Variants in ICAM5 observed in about 807,000 individuals in gnomAD.
ICAM5 encodes the protein ICAM-5.
A neutral mutation model predicts 78.8 loss-of-function variants in ICAM5; 38 were observed. The ratio of observed to expected loss-of-function variants is 0.48; its 90% CI spans 0.37 to 0.63. The LOEUF is 0.63. Among genes scored for constraint, ICAM5 ranks in the 30% least tolerant of loss-of-function variants. The pLI is 0.00. For synonymous variants in ICAM5, 544 were observed against 590.9 expected (o/e 0.92, Z 1.15); for missense variants, 1,059 against 1,303.0 (o/e 0.81, Z 2.88).
At position 10,294,667 on chromosome 19, in the gene ICAM5, G is replaced by A; in HGVS notation, c.2230+27G>A. 2.5e-6 allele frequency: 4 copies of A among 1,611,924 alleles called. No homozygotes were observed. The highest frequency in any genetic ancestry group is 3.4e-6 in the Non-Finnish European group (4 of 1,179,646). ...TGAGTGGGGGCAGCACCGGATGGAGGGGACACGGTCCTCGGAAGAATGACT... is the reference window on the plus strand; with the variant it reads ...TGAGTGGGGGCAGCACCGGATGGAGAGGACACGGTCCTCGGAAGAATGACT... On this transcript the variant is annotated intron_variant, in intron 9 of 10. Coordinates refer to ENST00000221980, the MANE Select transcript of ICAM5 (RefSeq NM_003259.4). This position sits in a 1 kb window ranked among gnomAD's most constrained non-coding sequence, Gnocchi z 7.7.
At position 10,293,343 on chromosome 19, in the gene ICAM5, T is replaced by C; in HGVS notation, c.1465+97T>C. On this transcript the variant is annotated intron_variant, in intron 6 of 10. Transcript: ENST00000221980. The surrounding 1 kb of genome is among the most constrained non-coding windows in gnomAD (Gnocchi z 5.0). The stretch of plus-strand genomic sequence containing the variant: ...GTAGGAGTAGGGTATGAGGTGTCCC[T>C]TTGGGTGAGGTTTTGGGAAAGGGAA... 1 of 1,455,834 alleles carries C rather than the reference T, an allele frequency of 6.9e-7. No homozygotes were observed. The highest frequency in any genetic ancestry group is 9.2e-7 in the Non-Finnish European group (1 of 1,084,602). 90.2% of individuals were successfully genotyped at this position (1,455,834 alleles called of 1,614,324 possible).
Position 10,290,408 on chromosome 19 carries a change from T to G in ICAM5, c.82+283T>G. On this transcript the variant is annotated intron_variant, in intron 1 of 10. Transcript: ENST00000221980. This position sits in a 1 kb window ranked among gnomAD's most constrained non-coding sequence, Gnocchi z 5.7. Reference sequence around the variant, plus strand: ...GTGTCTCTCCTGTCCGCTCCCCGGGTACCTCCTTACGCTGTGCTGTGCACC... The same window carrying G: ...GTGTCTCTCCTGTCCGCTCCCCGGGGACCTCCTTACGCTGTGCTGTGCACC... The G allele has an allele frequency of 6.9e-5, 27 of 393,112 alleles. No homozygotes were observed. The highest frequency in any genetic ancestry group is 7.3e-5 in the Non-Finnish European group (16 of 218,024). 24.4% of individuals were successfully genotyped at this position (393,112 alleles called of 1,614,324 possible).
intron 3 of ICAM5, 100 bp from the exon 4 acceptor site, chr19:10,291,935 C>G (rs78617778): frequency 1.3e-6 from 2 of 1,481,510 alleles, no homozygotes; most frequent in Non-Finnish European, 1.9e-6. Context: ...TTTCCCCCTC[C>G]GTGCCTTGAG....
rs1033589768 is a variant in ICAM5 at position 10,292,410 on chromosome 19, C to A, written c.961+88C>A. On this transcript the variant is annotated intron_variant, in intron 4 of 10. Transcript: ENST00000221980. ...CGAAGAGTGGGCGGGACCTCAGTAC[C>A]GGAACAGGCGTGGCCCGAGGGGCGG... 88 of 1,440,220 alleles carry A rather than the reference C, an allele frequency of 6.1e-5. No individual in the cohort carries two copies. In the Middle Eastern group the frequency reaches 1.5e-3, roughly 24 times the overall value. 89.2% of individuals were successfully genotyped at this position (1,440,220 alleles called of 1,614,324 possible). A position where few individuals can be genotyped will look rare whatever the true frequency, so the allele number is the denominator to read the frequency against.
At position 10,294,167 on chromosome 19, in the gene ICAM5, C is replaced by A; in HGVS notation, c.1839C>A (p.Gly613=). 6.2e-7 allele frequency: 1 copy of A among 1,612,548 alleles called. No individual in the cohort carries two copies. The highest frequency in any genetic ancestry group is 8.5e-7 in the Non-Finnish European group (1 of 1,179,630). The change falls in exon 8 of 11, where the codon GGC becomes GGA. Residue 613 remains glycine, a synonymous_variant. Transcript: ENST00000221980. This position sits in a 1 kb window ranked among gnomAD's most constrained non-coding sequence, Gnocchi z 7.7. The part of the protein sequence containing the change: ...QPSVKCVGSG[G]ATEGVLLPLA... ...GCGTGAAGTGCGTGGGCTCCGGGGG[C>A]GCCACTGAGGGGGTGCTGCTGCCGC...
rs1310831170 is a variant in ICAM5 at position 10,294,542 on chromosome 19, A to G, written c.2132A>G (p.Glu711Gly). 1.2e-6 allele frequency: 2 copies of G among 1,606,284 alleles called. No homozygotes were observed. Among genetic ancestry groups the G allele is most frequent in the African/African-American group, 2.7e-5 (2 of 74,752 alleles). The change falls in exon 9 of 11, where the codon GAG becomes GGG. Residue 711 changes from glutamate to glycine, a missense_variant. Physicochemically the swap from Glu to Gly is moderately conservative, Grantham distance 98. Transcript: ENST00000221980. This position sits in a 1 kb window ranked among gnomAD's most constrained non-coding sequence, Gnocchi z 7.7. ...TCTCGGGAAGGCATCCCATGGCCTG[A>G]GCAGCAGCGCGTGTCCCGAGAGGAC... ...RCSREGIPWP[E>G]QQRVSREDAG...
intron 10 of ICAM5, 71 bp downstream of exon 10, chr19:10,295,683 G>A (rs983128900): frequency 2.1e-6 from 3 of 1,444,674 alleles, no homozygotes; most frequent in Non-Finnish European, 2.8e-6. Context: ...TGGGGCGGCC[G>A]GCCCCGCCTG....
chr19:10,294,558 C>T lies in ICAM5; in HGVS notation c.2148C>T (p.Ser716=). ...CATGGCCTGAGCAGCAGCGCGTGTC[C>T]CGAGAGGACGCGGGCACTTACCACT... ...GIPWPEQQRV[S]REDAGTYHCV... is the part of the protein sequence containing the mutation. Residue 716 remains serine (S), a synonymous_variant, in exon 9 of 11, where the codon TCC becomes TCT. Transcript: ENST00000221980. The surrounding 1 kb of genome is among the most constrained non-coding windows in gnomAD (Gnocchi z 7.7). 5 of 1,612,656 alleles carry T rather than the reference C, an allele frequency of 3.1e-6. No individual in the cohort carries two copies. The highest frequency in any genetic ancestry group is 4.2e-6 in the Non-Finnish European group (5 of 1,179,612).
chr19:10,295,294 G>T, intron 9 of ICAM5, 52 bp from the exon 10 acceptor site: 8 of 1,466,228 alleles, frequency 5.5e-6, no homozygotes, highest in South Asian at 2.8e-5. Flanking sequence ...CAGGGCATTT[G>T]ATCAGTGGCT....
intron 5 of ICAM5, 54 bp downstream of exon 5, chr19:10,292,920 G>A: frequency 6.2e-7 from 1 of 1,606,570 alleles, no homozygotes. Flanking sequence ...CCAAGGACCC[G>A]CCTGCTCCCT....
Position 10,292,119 on chromosome 19 carries a change from G to T in ICAM5, c.758G>T (p.Gly253Val), listed in dbSNP as rs755022271. The change falls in exon 4 of 11, where the codon GGA becomes GTA. Residue 253 changes from glycine to valine, a missense_variant. Transcript: ENST00000221980. ...AGGCCCGTGAGCTGCACTCTGGACG[G>T]ACTGTTTCCAGCCTCAGAGGCCAGG... ...SERPVSCTLD[G>V]LFPASEARVY... 2 of 1,613,414 alleles carry T rather than the reference G, an allele frequency of 1.2e-6. No homozygotes were observed. Among genetic ancestry groups the T allele is most frequent in the Non-Finnish European group, 1.7e-6 (2 of 1,180,028 alleles).
In ICAM5 at chr19:10,296,482, G is replaced by C. The variant is rs1274508293; in HGVS notation, c.2641G>C (p.Ala881Pro). Reference sequence around the variant, plus strand: ...GCAGGAGGCCGAGAGCTCAGGCGAGGCCGTGTGTCTGAACGGAGCGGGCGG... The same window carrying C: ...GCAGGAGGCCGAGAGCTCAGGCGAGCCCGTGTGTCTGAACGGAGCGGGCGG... ...NVQEAESSGE[A>P]VCLNGAGGGA... Residue 881 changes from alanine to proline, a missense_variant, in exon 11 of 11, where the codon GCC becomes CCC. By Grantham distance (27) the Ala-to-Pro change is conservative. Coordinates refer to ENST00000221980, the MANE Select transcript of ICAM5 (RefSeq NM_003259.4). 7.0e-6 allele frequency: 9 copies of C among 1,287,710 alleles called. No individual in the cohort carries two copies. Among genetic ancestry groups the C allele is most frequent in the Non-Finnish European group, 9.0e-6 (9 of 999,320 alleles). 79.8% of individuals were successfully genotyped at this position (1,287,710 alleles called of 1,614,324 possible).
Position 10,292,885 on chromosome 19 carries a change from C to T in ICAM5, c.1216+19C>T, listed in dbSNP as rs1403387614. ...GTCCTATGTGAGTTGGTGATAACCC[C>T]TCGCCCCCCACCTTCTGGTGACTTC... On this transcript the variant is annotated intron_variant, in intron 5 of 10. Transcript: ENST00000221980. 2 of 1,607,966 alleles carry T rather than the reference C, an allele frequency of 1.2e-6. No homozygotes were observed.
Position 10,294,172 on chromosome 19 carries a change from C to T in ICAM5, c.1844C>T (p.Thr615Ile). The part of the protein sequence containing the change: ...SVKCVGSGGA[T>I]EGVLLPLAPP... ...AAGTGCGTGGGCTCCGGGGGCGCCA[C>T]TGAGGGGGTGCTGCTGCCGCTGGCA... The change falls in exon 8 of 11, where the codon ACT becomes ATT. Residue 615 changes from threonine (T) to isoleucine (I), a missense_variant. Physicochemically the swap from Thr to Ile is moderately conservative, Grantham distance 89. This residue lies in a region of ICAM5 where 815 missense variants were observed against 952.8 expected (regional missense o/e 0.86). Transcript: ENST00000221980. The surrounding 1 kb of genome is among the most constrained non-coding windows in gnomAD (Gnocchi z 7.7). 6.2e-7 allele frequency: 1 copy of T among 1,613,608 alleles called. No individual in the cohort carries two copies. Among genetic ancestry groups the T allele is most frequent in the Non-Finnish European group, 8.5e-7 (1 of 1,179,908 alleles).
rs772788488 is a variant in ICAM5 at position 10,294,387 on chromosome 19, T to A, written c.1991-14T>A. 1 of 1,612,988 alleles carries A rather than the reference T, an allele frequency of 6.2e-7. No individual in the cohort carries two copies. Among genetic ancestry groups the A allele is most frequent in the Admixed American group, 1.7e-5 (1 of 59,850 alleles). On this transcript the variant is annotated splice_polypyrimidine_tract_variant and intron_variant, in intron 8 of 10. Transcript: ENST00000221980. The surrounding 1 kb of genome is among the most constrained non-coding windows in gnomAD (Gnocchi z 7.7). ...TCCAGGCACTCCCTGACATCCCCCA[T>A]GGCTGCTTTGCAGCGCCACCGGAGA...
chr19:10,296,602 C>T lies in ICAM5; in HGVS notation c.2761C>T (p.Leu921=), dbSNP rs1172840684. ...GGAGGGCGAGGTCTTCGCCATACAG[C>T]TGACATCGGCGTGAGCCCGCTCCCC... ...PAEGEVFAIQ[L]TSA is the part of the protein sequence containing the mutation. Residue 921 remains leucine, a synonymous_variant, in exon 11 of 11, where the codon CTG becomes TTG. Coordinates refer to ENST00000221980, the MANE Select transcript of ICAM5 (RefSeq NM_003259.4). 3 of 1,213,432 alleles carry T rather than the reference C, an allele frequency of 2.5e-6. No individual in the cohort carries two copies. The highest frequency in any genetic ancestry group is 3.1e-6 in the Non-Finnish European group (3 of 970,952). 75.2% of individuals were successfully genotyped at this position (1,213,432 alleles called of 1,614,324 possible).
rs559135150 is a variant in ICAM5 at position 10,293,316 on chromosome 19, G to A, written c.1465+70G>A. 8.4e-4 allele frequency: 1,267 copies of A among 1,510,486 alleles called. 4 individuals are homozygous for A. Among genetic ancestry groups the A allele is most frequent in the South Asian group, 4.0e-3 (305 of 76,224 alleles). 93.6% of individuals were successfully genotyped at this position (1,510,486 alleles called of 1,614,324 possible). On this transcript the variant is annotated intron_variant, in intron 6 of 10. Transcript: ENST00000221980. The surrounding 1 kb of genome is among the most constrained non-coding windows in gnomAD (Gnocchi z 5.0). Reference sequence around the variant, plus strand: ...TGGAGGGTGGCCAGCCTCCAGGGAAGAGTAGGAGTAGGGTATGAGGTGTCC... The same window carrying A: ...TGGAGGGTGGCCAGCCTCCAGGGAAAAGTAGGAGTAGGGTATGAGGTGTCC...
rs2040160176 is a variant in ICAM5 at position 10,290,249 on chromosome 19, A to G, written c.82+124A>G. 6.0e-6 allele frequency: 4 copies of G among 669,322 alleles called. No homozygotes were observed. The highest frequency in any genetic ancestry group is 1.9e-5 in the African/African-American group (1 of 51,894). The allele number at this position is 669,322 out of a possible 1,614,324, so 41.5% of individuals were successfully genotyped here. ...CTCCCACGCCTCTGCCCCCACCTCG[A>G]GCCTGAGTCTTCTCCCCTTCCCCCT... On this transcript the variant is annotated intron_variant, in intron 1 of 10. Coordinates refer to ENST00000221980, the MANE Select transcript of ICAM5 (RefSeq NM_003259.4). This position sits in a 1 kb window ranked among gnomAD's most constrained non-coding sequence, Gnocchi z 5.7.
Position 10,290,327 on chromosome 19 carries a change from C to CGGCGA in ICAM5, c.82+202_82+203insGGCGA. The CGGCGA allele has an allele frequency of 2.0e-6, 1 of 508,630 alleles. No homozygotes were observed. The highest frequency in any genetic ancestry group is 3.6e-5 in the Admixed American group (1 of 27,620). 31.5% of individuals were successfully genotyped at this position (508,630 alleles called of 1,614,324 possible). A position where few individuals can be genotyped will look rare whatever the true frequency, so the allele number is the denominator to read the frequency against. On this transcript the variant is annotated intron_variant, in intron 1 of 10. Transcript: ENST00000221980. The surrounding 1 kb of genome is among the most constrained non-coding windows in gnomAD (Gnocchi z 5.7). ...CTTCCTGACTCCTCGATAGCCCCTA[C>CGGCGA]CCGCTTCGAGATCCTAGGTGTTCTT... is the stretch of plus-strand genomic sequence containing the variant.
Sources: allele counts gnomAD v4.1 joint callset, GRCh38; gene constraint gnomAD v4.1.1; regional missense constraint gnomAD v4.1.1; non-coding constraint Gnocchi (gnomAD v3.1); transcripts MANE v1.5; gene names NCBI Gene and HGNC (gene_info 2026-07-23, HGNC 2026-07-21).